TMEM50B: variants seen among roughly 807,000 people sequenced by gnomAD.
The protein encoded by TMEM50B is transmembrane protein 50B.
In TMEM50B, 14 loss-of-function variants were observed where a neutral mutation model predicts 23.4. That is an observed-to-expected ratio of 0.60 (90% CI 0.39 to 0.93). TMEM50B has a LOEUF of 0.93. Among genes scored for constraint, TMEM50B ranks in the 40% least tolerant of loss-of-function variants. The pLI is 0.00. For missense variants in TMEM50B, 159 were observed against 193.0 expected (o/e 0.82, Z 1.04); for synonymous variants, 64 against 62.3 (o/e 1.03, Z -0.13).
At chr21:33,440,335 C>G (rs1404873636) in intron 7 of TMEM50B, among the ~76,000 whole-genome samples, 3 of 152,172 alleles carry the variant, frequency 2.0e-5, no homozygotes, top group African/African-American at 7.2e-5. Flanking sequence ...CACCTGTAAT[C>G]CCAGCACTTT....
At chr21:33,439,634 C>CCT (rs1243919344) in intron 7 of TMEM50B, among the ~76,000 whole-genome samples, 1 of 151,898 alleles carries the variant, frequency 6.6e-6, no homozygotes, top group African/African-American at 2.4e-5. Context: ...CTCACCTCAG[C>CCT]CTCCCAAAGT....
In TMEM50B at chr21:33,439,856, G is replaced by A. The variant is rs558277542; in HGVS notation, c.*2037-559C>T. Among the ~76,000 whole-genome samples, 8 of 151,594 alleles carry A rather than the reference G, an allele frequency of 5.3e-5. No individual in the cohort carries two copies. The South Asian group carries it at 1.7e-3, about 32-fold the overall frequency. On this transcript the variant is annotated intron_variant and NMD_transcript_variant, in intron 7 of 8. Transcript: ENST00000420455. Reference sequence around the variant, plus strand: ...AGGTCAGGAGTTTGAGACAAGCCTGGTCAACATGGCGAAAACCTGTTTCTA... The same window carrying A: ...AGGTCAGGAGTTTGAGACAAGCCTGATCAACATGGCGAAAACCTGTTTCTA...
chr21:33,455,007 C>T (rs1237205873), intron 6 of TMEM50B, among the ~76,000 whole-genome samples: 1 of 152,060 alleles, frequency 6.6e-6, no homozygotes. Flanking sequence ...GTCCCACCTA[C>T]TCGGGAGGCT....
intron 3 of TMEM50B, among the ~76,000 whole-genome samples, chr21:33,466,553 T>C (rs755852810): frequency 6.6e-6 from 1 of 152,056 alleles, no homozygotes; most frequent in Non-Finnish European, 1.5e-5. Flanking sequence ...GGTGATTTAC[T>C]ACTAAAAAAA....
At chr21:33,466,641 GAAAT>G (rs2084266811) in intron 3 of TMEM50B, among the ~76,000 whole-genome samples, 2 of 152,010 alleles carry the variant, frequency 1.3e-5, no homozygotes, top group Non-Finnish European at 2.9e-5. Flanking sequence ...ATACTGACAA[GAAAT>G]AAAAATGTTA....
intron 4 of TMEM50B, among the ~76,000 whole-genome samples, chr21:33,461,112 T>C (rs2084213337): frequency 6.6e-6 from 1 of 152,208 alleles, no homozygotes; most frequent in South Asian, 2.1e-4. Flanking sequence ...TTCAACATAT[T>C]TTTAGGAAAG....
At chr21:33,462,564 C>T (rs778555834) in intron 4 of TMEM50B, among the ~76,000 whole-genome samples, 8 of 152,084 alleles carry the variant, frequency 5.3e-5, no homozygotes, top group Non-Finnish European at 1.0e-4. Context: ...CCCAGCTACT[C>T]TGGAGGCTGA....
chr21:33,453,244 C>A (rs951467115), intron 6 of TMEM50B, among the ~76,000 whole-genome samples: 2 of 152,092 alleles, frequency 1.3e-5, no homozygotes, highest in African/African-American at 4.8e-5. Flanking sequence ...CATGCACCAC[C>A]ATGCCCAGCT....
At chr21:33,454,249 A>G (rs1334688225) in intron 6 of TMEM50B, among the ~76,000 whole-genome samples, 1 of 152,154 alleles carries the variant, frequency 6.6e-6, no homozygotes, top group Non-Finnish European at 1.5e-5. Flanking sequence ...GGGCATTCAG[A>G]AAACAGAATT....
chr21:33,432,612 C>T lies in TMEM50B; in HGVS notation c.*2311G>A, dbSNP rs2083899999. 7 of 1,324,996 alleles carry T rather than the reference C, an allele frequency of 5.3e-6. 1 individual carries two copies. In the South Asian group the frequency reaches 8.2e-5, roughly 16 times the overall value. The allele number at this position is 1,324,996 out of a possible 1,614,324, so 82.1% of individuals were successfully genotyped here. A position where few individuals can be genotyped will look rare whatever the true frequency, so the allele number is the denominator to read the frequency against. ...GGGGTAGAGGGACTTGCCCATTTTA[C>T]TAGGACAGGAATGCTCTTTAAGCAG... On this transcript the variant is annotated 3_prime_UTR_variant and NMD_transcript_variant, in exon 9 of 9. Coordinates refer to the TMEM50B transcript ENST00000420455.
At chr21:33,441,509 T>A (rs1369221059) in intron 7 of TMEM50B, among the ~76,000 whole-genome samples, 1 of 152,198 alleles carries the variant, frequency 6.6e-6, no homozygotes, top group African/African-American at 2.4e-5. Context: ...GCAAGGGGGA[T>A]GCCATTCCAA....
chr21:33,436,858 GAGGCCTTGGACA>G, intron 8 of TMEM50B: 1 of 1,614,072 alleles, frequency 6.2e-7, no homozygotes, highest in Non-Finnish European at 8.5e-7. Context: ...GCCCATCTTA[GAGGCCTTGGACA>G]AGGACAGCTC....
At chr21:33,433,223 TG>T (rs1199515616) in intron 8 of TMEM50B, among the ~76,000 whole-genome samples, 1 of 152,068 alleles carries the variant, frequency 6.6e-6, no homozygotes, top group African/African-American at 2.4e-5. Flanking sequence ...AGGGCCCCAC[TG>T]CCCCTGGCAA....
rs2084095084 is a variant in TMEM50B at position 33,449,252 on chromosome 21, CA to C, written c.*1565del. On this transcript the variant is annotated 3_prime_UTR_variant, in exon 7 of 7. Coordinates refer to ENST00000542230, the MANE Select transcript of TMEM50B (RefSeq NM_006134.7). ...TACTAACATTTTGAAGAAAAAACAG[CA>C]AAGAAAGAAGTCATCAAACAAGATG... The C allele has an allele frequency of 6.6e-6, 1 of 152,154 alleles. No homozygotes were observed. Among genetic ancestry groups the C allele is most frequent in the African/African-American group, 2.4e-5 (1 of 41,438 alleles). The allele number at this position is 152,154 out of a possible 1,614,324, so 9.4% of individuals were successfully genotyped here.
At chr21:33,436,373 TTA>T (rs2123382917) in intron 8 of TMEM50B, among the ~76,000 whole-genome samples, 1 of 151,744 alleles carries the variant, frequency 6.6e-6, no homozygotes, top group African/African-American at 2.4e-5. Context: ...GAAAAATAAG[TTA>T]TGTCATTGGT....
At chr21:33,460,529 A>T (rs770989559) in intron 4 of TMEM50B, 24 bp from the exon 5 acceptor site, 1 of 1,499,948 alleles carries the variant, frequency 6.7e-7, no homozygotes, top group Non-Finnish European at 9.1e-7. Flanking sequence ...AGGCTTTATG[A>T]TTTTGTTCAT....
intron 5 of TMEM50B, 29 bp downstream of exon 5, chr21:33,460,384 T>C: frequency 7.2e-7 from 1 of 1,387,276 alleles, no homozygotes; most frequent in Non-Finnish European, 1.0e-6. Flanking sequence ...GAATCTCTCC[T>C]ATAAAATACA....
At chr21:33,459,537 G>A (rs1403419055) in intron 5 of TMEM50B, among the ~76,000 whole-genome samples, 13 of 151,936 alleles carry the variant, frequency 8.6e-5, no homozygotes, top group Middle Eastern at 3.4e-3. Flanking sequence ...GTGTGGTGGC[G>A]TGCACCTGTA....
At chr21:33,471,024 T>G (rs968200441) in intron 1 of TMEM50B, among the ~76,000 whole-genome samples, 9 of 152,168 alleles carry the variant, frequency 5.9e-5, no homozygotes, top group African/African-American at 9.6e-5. Flanking sequence ...AGCCACAGTC[T>G]TCTTGGCTTG....
Sources: allele counts gnomAD v4.1 joint callset (sites outside exome capture counted in the v4.1 genomes callset), GRCh38; gene constraint gnomAD v4.1.1; transcripts MANE v1.5; gene names NCBI Gene and HGNC (gene_info 2026-07-23, HGNC 2026-07-21).